ABCA1: variants seen among roughly 807,000 people sequenced by gnomAD.
ABCA1 encodes the protein phospholipid-transporting ATPase ABCA1.
Under a neutral mutation model 262.5 loss-of-function variants are expected in ABCA1, and 133 were observed. The ratio of observed to expected loss-of-function variants is 0.51; its 90% CI spans 0.44 to 0.59. The LOEUF is 0.59. Ranked by LOEUF, ABCA1 falls within the 20% of genes least tolerant of loss-of-function variation. The pLI is 0.00. For synonymous variants in ABCA1, 1,022 were observed against 1,043.5 expected, an observed-to-expected ratio of 0.98 and a Z score of 0.40; for missense variants, 2,452 against 2,777.5, an observed-to-expected ratio of 0.88 and a Z score of 2.63.
Position 104,862,077 on chromosome 9 carries a change from T to C in ABCA1, c.422-277A>G, listed in dbSNP as rs200574813. Among the ~76,000 whole-genome samples, 583 of 88,896 alleles carry C rather than the reference T, an allele frequency of 6.6e-3. 1 individual carries two copies. The highest frequency in any genetic ancestry group is 0.018 in the African/African-American group (392 of 21,528). 58.3% of individuals were successfully genotyped at this position (88,896 alleles called of 152,430 possible). On this transcript the variant is annotated intron_variant, in intron 5 of 49. Transcript: ENST00000374736. ...ACACACACACACACACACACACACA[T>C]ACACACACACACAGCCTTTCCTTTT...
At position 104,816,308 on chromosome 9, in the gene ABCA1, C is replaced by A; in HGVS notation, c.3573G>T (p.Val1191=). Residue 1191 remains valine (V), a synonymous_variant, in exon 25 of 50, where the codon GTG becomes GTT. Coordinates refer to ENST00000374736, the MANE Select transcript of ABCA1 (RefSeq NM_005502.4). ...TGTCTTCCACCAGCCGGGCTTCAGACACATGCTTCCTGATGAGGTTGGAGA... is the reference window on the plus strand; with the variant it reads ...TGTCTTCCACCAGCCGGGCTTCAGAAACATGCTTCCTGATGAGGTTGGAGA... ...SAISNLIRKH[V]SEARLVEDIG... The A allele has an allele frequency of 6.2e-7, 1 of 1,614,050 alleles. No individual in the cohort carries two copies. Among genetic ancestry groups the A allele is most frequent in the South Asian group, 1.1e-5 (1 of 91,068 alleles).
At chr9:104,905,255 C>T (rs1050843448) in intron 1 of ABCA1, among the ~76,000 whole-genome samples, 3 of 152,136 alleles carry the variant, frequency 2.0e-5, no homozygotes, top group African/African-American at 4.8e-5. Flanking sequence ...GGATACAAAA[C>T]CAAGCGCTAG....
At position 104,824,490 on chromosome 9, in the gene ABCA1, A is replaced by C; in HGVS notation, c.2631T>G (p.Gly877=). 1 of 1,614,098 alleles carries C rather than the reference A, an allele frequency of 6.2e-7. No individual in the cohort carries two copies. Among genetic ancestry groups the C allele is most frequent in the Non-Finnish European group, 8.5e-7 (1 of 1,180,026 alleles). The part of the protein sequence containing the change: ...GEESDEKSHP[G]SNQKRISEIC... ...TTTCTGATATTCTCTTCTGGTTGGA[A>C]CCAGGGTGGCTCTTCTCATCACTTT... The change falls in exon 18 of 50, where the codon GGT becomes GGG. Residue 877 remains glycine, a synonymous_variant. Transcript: ENST00000374736.
intron 1 of ABCA1, among the ~76,000 whole-genome samples, chr9:104,907,382 G>A (rs543823180): frequency 6.6e-6 from 1 of 152,234 alleles, no homozygotes. Context: ...CTGGGAAAGA[G>A]GATTTCTACC....
At position 104,782,683 on chromosome 9, in the gene ABCA1, A is replaced by G. The variant is rs1049742181; in HGVS notation, c.*1632T>C. 6.6e-6 allele frequency: 1 copy of G among 152,196 alleles called. No individual in the cohort carries two copies. The highest frequency in any genetic ancestry group is 2.4e-5 in the African/African-American group (1 of 41,456). 9.4% of individuals were successfully genotyped at this position (152,196 alleles called of 1,614,324 possible). On this transcript the variant is annotated 3_prime_UTR_variant, in exon 50 of 50. Transcript: ENST00000374736. ...GAAAAATTTGAGACTGTCAGATTTAATGGGGTATCCAATATCTGCAAAGCC... is the reference window on the plus strand; with the variant it reads ...GAAAAATTTGAGACTGTCAGATTTAGTGGGGTATCCAATATCTGCAAAGCC...
At chr9:104,837,374 C>T (rs1045913210) in intron 10 of ABCA1, 54 bp downstream of exon 10, 17 of 1,608,604 alleles carry the variant, frequency 1.1e-5, no homozygotes, top group Non-Finnish European at 1.2e-5. Flanking sequence ...GAGTTTTTTG[C>T]CCCCAGTTCT....
intron 1 of ABCA1, among the ~76,000 whole-genome samples, chr9:104,919,485 G>A (rs951701329): frequency 2.0e-5 from 3 of 152,084 alleles, no homozygotes; most frequent in South Asian, 4.1e-4. Flanking sequence ...GGTGGCATAC[G>A]CCTGTAGTCC....
intron 3 of ABCA1, among the ~76,000 whole-genome samples, chr9:104,885,303 G>A (rs571027895): frequency 2.8e-4 from 42 of 152,246 alleles, no homozygotes; most frequent in African/African-American, 9.4e-4. Context: ...GTCAGCTGGC[G>A]TGACTGGGAG....
rs551313050 is a variant in ABCA1 at position 104,832,689 on chromosome 9, G to A, written c.1394C>T (p.Ala465Val). Residue 465 changes from alanine to valine, a missense_variant, in exon 12 of 50, where the codon GCG becomes GTG. Physicochemically the swap from Ala to Val is moderately conservative, Grantham distance 64. This residue lies in a region of ABCA1 where 1,032 missense variants were observed against 1,089.7 expected (regional missense o/e 0.95). Coordinates refer to ENST00000374736, the MANE Select transcript of ABCA1 (RefSeq NM_005502.4). ...ATCCTCTGGGTGCTTGGCCAAAAAC[G>A]CCACGATGTCTTGGGCTGTCCAATC... ...GLDWTAQDIVAFLAKHPEDVQ... is the reference protein window; with the variant it reads ...GLDWTAQDIVVFLAKHPEDVQ... 6.2e-6 allele frequency: 10 copies of A among 1,614,112 alleles called. No homozygotes were observed. The East Asian group carries it at 6.7e-5, about 11-fold the overall frequency.
chr9:104,828,860 CG>C, intron 15 of ABCA1, 55 bp downstream of exon 15: 1 of 1,560,840 alleles, frequency 6.4e-7, no homozygotes, highest in Non-Finnish European at 8.8e-7. Flanking sequence ...TCCCTTAGCC[CG>C]TGTTGAGCTA....
Position 104,828,964 on chromosome 9 carries a change from G to C in ABCA1, c.2067C>G (p.Ser689Arg), listed in dbSNP as rs749894646. The C allele has an allele frequency of 6.2e-7, 1 of 1,614,144 alleles. No individual in the cohort carries two copies. The highest frequency in any genetic ancestry group is 1.1e-5 in the South Asian group (1 of 91,078). Residue 689 changes from serine (S) to arginine (R), a missense_variant, in exon 15 of 50, where the codon AGC becomes AGG. Around this residue, in one of 4 missense-constraint regions of ABCA1, gnomAD observed 1,032 missense variants for 1,089.7 expected, o/e 0.95. Transcript: ENST00000374736. ...CAGCGCTCACAAGAAGAGGAATGAG[G>C]CTACTAATGAACCAGCTAAACCAGA... The part of the protein sequence containing the change: ...SILWFSWFIS[S>R]LIPLLVSAGL...
chr9:104,795,098 G>A (rs747965656), intron 39 of ABCA1, among the ~76,000 whole-genome samples: 2 of 152,202 alleles, frequency 1.3e-5, no homozygotes, highest in Non-Finnish European at 2.9e-5. Context: ...CTGGAGGCAT[G>A]GACTAAGGAC....
chr9:104,802,220 G>A, intron 33 of ABCA1, 61 bp from the exon 34 acceptor site: 1 of 1,424,092 alleles, frequency 7.0e-7, no homozygotes, highest in Non-Finnish European at 9.9e-7. Flanking sequence ...ATCAGCAGCA[G>A]ACTCAGTGCG....
Position 104,814,146 on chromosome 9 carries a change from A to G in ABCA1, c.3873T>C (p.Ala1291=), listed in dbSNP as rs745595849. ...CLRPFTEDDA[A]DPNDSDIDPE... The stretch of plus-strand genomic sequence containing the variant: ...GGTCTATGTCAGAATCATTTGGATC[A>G]GCAGCATCATCTTCAGTGAACGGGC... Residue 1291 remains alanine (A), a synonymous_variant, in exon 27 of 50, where the codon GCT becomes GCC. Coordinates refer to ENST00000374736, the MANE Select transcript of ABCA1 (RefSeq NM_005502.4). The G allele has an allele frequency of 1.9e-6, 3 of 1,614,146 alleles. No individual in the cohort carries two copies. Among genetic ancestry groups the G allele is most frequent in the South Asian group, 1.1e-5 (1 of 91,096 alleles).
chr9:104,888,946 C>T (rs1459137065), intron 3 of ABCA1, among the ~76,000 whole-genome samples, 156 bp downstream of exon 3: 1 of 152,182 alleles, frequency 6.6e-6, no homozygotes, highest in Non-Finnish European at 1.5e-5. Context: ...TGAGTTCATG[C>T]CTTATCAACA....
At chr9:104,884,405 G>T in intron 4 of ABCA1, 22 bp downstream of exon 4, 1 of 1,614,132 alleles carries the variant, frequency 6.2e-7, no homozygotes, top group South Asian at 1.1e-5. Context: ...AGTTTGGAAA[G>T]AAAACCTGAT....
In ABCA1 at chr9:104,825,983, G is replaced by A. The variant is rs13306070; in HGVS notation, c.2338-96C>T. 1.2e-4 allele frequency: 151 copies of A among 1,274,728 alleles called. 1 individual carries two copies. The East Asian group carries it at 2.5e-3, about 21-fold the overall frequency. The allele number at this position is 1,274,728 out of a possible 1,614,324, so 79.0% of individuals were successfully genotyped here. On this transcript the variant is annotated intron_variant, in intron 16 of 49. Transcript: ENST00000374736. Reference sequence around the variant, plus strand: ...ATTATACCTGGAGAAATTTGAATTTGCAAAATGGATCAATCATAAGGTGCA... The same window carrying A: ...ATTATACCTGGAGAAATTTGAATTTACAAAATGGATCAATCATAAGGTGCA...
intron 49 of ABCA1, among the ~76,000 whole-genome samples, chr9:104,784,825 G>A (rs1828777949): frequency 1.3e-5 from 2 of 152,090 alleles, no homozygotes. Context: ...TGTATTTTTA[G>A]TAGAGACGGG....
At chr9:104,818,957 A>C in intron 22 of ABCA1, 74 bp from the exon 23 acceptor site, 1 of 1,380,558 alleles carries the variant, frequency 7.2e-7, no homozygotes, top group Non-Finnish European at 1.0e-6. Context: ...GACAGGGACT[A>C]GAGAGATATT....
Sources: gnomAD v4.1 joint callset for allele counts (sites outside exome capture counted in the v4.1 genomes callset) on GRCh38, gnomAD v4.1.1 for gene constraint, gnomAD v4.1.1 regional missense constraint, MANE v1.5 for transcripts, NCBI Gene and HGNC (gene_info 2026-07-23, HGNC 2026-07-21) for gene names.